PSME4: variants seen among roughly 807,000 people sequenced by gnomAD.
PSME4 encodes proteasome activator subunit 4.
PSME4 carries 89 observed loss-of-function variants against 253.9 expected under a neutral mutation model. That is an observed-to-expected ratio of 0.35 (90% CI 0.30 to 0.42). The LOEUF is 0.42. PSME4 is among the 10% of genes least tolerant of loss of function. The probability of loss-of-function intolerance (pLI) is 1.00; values close to 1 mark genes in which losing one functional copy is unlikely to be tolerated. For synonymous variants in PSME4, 851 were observed against 759.2 expected (o/e 1.12, Z -1.99); for missense variants, 2,014 against 2,195.2 (o/e 0.92, Z 1.65).
Position 53,920,955 on chromosome 2 carries a change from G to C in PSME4, c.2196C>G (p.Tyr732Ter). 1 of 1,614,050 alleles carries C rather than the reference G, an allele frequency of 6.2e-7. No individual in the cohort carries two copies. Among genetic ancestry groups the C allele is most frequent in the Non-Finnish European group, 8.5e-7 (1 of 1,179,912 alleles). Reference sequence around the variant, plus strand: ...CTGGCACACTGCAGTATTCTGTAGGGTAGATAAGTGTGGTAGAACGGAGAA... The same window carrying C: ...CTGGCACACTGCAGTATTCTGTAGGCTAGATAAGTGTGGTAGAACGGAGAA... ...HHLLRSTTLI[Y>*]PTEYCSVPGG... is the part of the protein sequence containing the mutation. The change falls in exon 18 of 47, where the codon TAC becomes TAG. Residue 732 changes from tyrosine to a stop codon, truncating the protein, a stop_gained. Coordinates refer to ENST00000404125, the MANE Select transcript of PSME4 (RefSeq NM_014614.3). LOFTEE classifies it high-confidence loss of function.
At chr2:53,932,564 A>G (rs1668885536) in intron 9 of PSME4, 104 bp downstream of exon 9, 1 of 940,930 alleles carries the variant, frequency 1.1e-6, no homozygotes, top group Admixed American at 1.8e-5. Context: ...AGCTAAAGCT[A>G]TGAAGGACAG....
chr2:53,909,541 T>C (rs1289150137), intron 21 of PSME4, among the ~76,000 whole-genome samples: 1 of 152,172 alleles, frequency 6.6e-6, no homozygotes, highest in Non-Finnish European at 1.5e-5. Context: ...CTGACCCAAT[T>C]TCTTACTGGC....
chr2:53,951,386 C>T (rs930559024), intron 1 of PSME4, among the ~76,000 whole-genome samples: 6 of 152,204 alleles, frequency 3.9e-5, no homozygotes, highest in African/African-American at 1.4e-4. Context: ...CCAGCACTTA[C>T]ATTTAATTTC....
chr2:53,963,907 C>T (rs1670601572), intron 1 of PSME4, among the ~76,000 whole-genome samples: 5 of 151,436 alleles, frequency 3.3e-5, no homozygotes, highest in Admixed American at 3.3e-4. Flanking sequence ...ACTTCAAAAA[C>T]AATGGGGAAA....
intron 37 of PSME4, among the ~76,000 whole-genome samples, chr2:53,889,193 A>G (rs1166086252): frequency 1.3e-5 from 2 of 152,176 alleles, no homozygotes; most frequent in African/African-American, 4.8e-5. Flanking sequence ...AATACTGAAA[A>G]CATATATAAG....
chr2:53,925,314 G>A (rs911583399), intron 14 of PSME4, among the ~76,000 whole-genome samples: 2 of 152,176 alleles, frequency 1.3e-5, no homozygotes, highest in Non-Finnish European at 2.9e-5. Context: ...CTGAATTTTT[G>A]TCAGTCGCAA....
intron 41 of PSME4, chr2:53,881,492 C>G (rs1679388381): frequency 6.6e-6 from 1 of 152,148 alleles, no homozygotes; most frequent in East Asian, 1.9e-4. Context: ...GTCATTTCAT[C>G]CTTCTAACAG....
chr2:53,953,556 G>T (rs1438275738), intron 1 of PSME4, among the ~76,000 whole-genome samples: 2 of 148,196 alleles, frequency 1.3e-5, no homozygotes, highest in Non-Finnish European at 3.0e-5. Flanking sequence ...TTATTCTTGG[G>T]ATCCAAAAAT....
intron 26 of PSME4, 47 bp from the exon 27 acceptor site, chr2:53,904,203 A>G (rs757714392): frequency 4.0e-6 from 6 of 1,508,252 alleles, no homozygotes; most frequent in South Asian, 1.3e-5. Context: ...ATAGTAAAGT[A>G]CAAAGCAGTT....
chr2:53,942,381 A>G (rs899528174), intron 3 of PSME4, among the ~76,000 whole-genome samples: 7 of 151,900 alleles, frequency 4.6e-5, no homozygotes, highest in Non-Finnish European at 8.8e-5. Flanking sequence ...TTTTTTTTAA[A>G]ATCAAAAGGG....
chr2:53,895,283 T>C (rs1480446406), intron 33 of PSME4, among the ~76,000 whole-genome samples: 2 of 152,170 alleles, frequency 1.3e-5, no homozygotes, highest in Non-Finnish European at 2.9e-5. Context: ...GAGAAAAATA[T>C]GTATTTCTCT....
intron 41 of PSME4, 64 bp downstream of exon 41, chr2:53,885,626 G>C: frequency 1.6e-6 from 2 of 1,229,834 alleles, no homozygotes; most frequent in Non-Finnish European, 2.4e-6. Flanking sequence ...ACCATCAGAT[G>C]ATGAACACAA....
chr2:53,888,133 A>G (rs2104423884), intron 38 of PSME4, 144 bp from the exon 39 acceptor site: 2 of 707,070 alleles, frequency 2.8e-6, no homozygotes, highest in East Asian at 3.2e-5. Context: ...AACTCAAAAT[A>G]GCCTCTTTAT....
intron 3 of PSME4, among the ~76,000 whole-genome samples, chr2:53,945,682 A>G (rs1465066726): frequency 2.0e-5 from 3 of 152,248 alleles, no homozygotes; most frequent in South Asian, 2.1e-4. Flanking sequence ...GGACTAAAAC[A>G]TAAGGCACAT....
intron 1 of PSME4, among the ~76,000 whole-genome samples, chr2:53,955,238 A>G (rs1353258353): frequency 2.0e-5 from 3 of 152,222 alleles, no homozygotes; most frequent in African/African-American, 4.8e-5. Context: ...CTGAAAAAAA[A>G]TCTATAAGTC....
Position 53,868,528 on chromosome 2 carries a change from TATAATATATATTATAAATATATTTATA to T in PSME4, c.5263+821_5263+847del, listed in dbSNP as rs1299407348. On this transcript the variant is annotated intron_variant, in intron 44 of 46. Transcript: ENST00000404125. ...TATTATAAAATATATTTATAATATA[TATAATATATATTATAAATATATTTATA>T]ATATATATAATATATATTATAAAAT... 2.1e-4 allele frequency among the ~76,000 whole-genome samples: 11 copies of T among 52,758 alleles called. No individual in the cohort carries two copies. In the East Asian group the frequency reaches 0.012, roughly 57 times the overall value. The allele number at this position is 52,758 out of a possible 152,430, so 34.6% of individuals were successfully genotyped here. A position where few individuals can be genotyped will look rare whatever the true frequency, so the allele number is the denominator to read the frequency against.
chr2:53,911,718 G>T (rs1667835546), intron 20 of PSME4, among the ~76,000 whole-genome samples: 1 of 152,030 alleles, frequency 6.6e-6, no homozygotes, highest in South Asian at 2.1e-4. Flanking sequence ...AGCTTATGCA[G>T]TCTGTATCTA....
chr2:53,961,046 G>A (rs1289781343), intron 1 of PSME4, among the ~76,000 whole-genome samples: 1 of 152,202 alleles, frequency 6.6e-6, no homozygotes, highest in Non-Finnish European at 1.5e-5. Flanking sequence ...GGCAGAGGTT[G>A]CAGTGAGGCA....
At chr2:53,954,474 C>G (rs1431640986) in intron 1 of PSME4, among the ~76,000 whole-genome samples, 1 of 152,178 alleles carries the variant, frequency 6.6e-6, no homozygotes, top group Non-Finnish European at 1.5e-5. Flanking sequence ...ACCCTCATCT[C>G]TATTATACAT....
Sources: allele counts gnomAD v4.1 joint callset (sites outside exome capture counted in the v4.1 genomes callset), GRCh38; gene constraint gnomAD v4.1.1; transcripts MANE v1.5; gene names NCBI Gene and HGNC (gene_info 2026-07-23, HGNC 2026-07-21).